Variants in ULK2 observed in about 807,000 individuals in gnomAD.
The protein encoded by ULK2 is unc-51 like autophagy activating kinase 2.
Under a neutral mutation model 127.5 loss-of-function variants are expected in ULK2, and 76 were observed. The observed-to-expected ratio is 0.60, with a 90% CI of 0.50 to 0.72. The LOEUF is 0.72. Ranked by LOEUF, ULK2 falls within the 30% of genes least tolerant of loss-of-function variation. The pLI is 0.00. For missense variants in ULK2, 1,144 were observed against 1,295.9 expected (o/e 0.88, Z 1.80); for synonymous variants, 452 against 461.9 (o/e 0.98, Z 0.28).
chr17:19,800,908 C>G (rs965947407), intron 16 of ULK2, among the ~76,000 whole-genome samples: 1 of 152,110 alleles, frequency 6.6e-6, no homozygotes, highest in Non-Finnish European at 1.5e-5. Context: ...ATTTCTGTCC[C>G]TTGGTTTCAC....
intron 10 of ULK2, 137 bp from the exon 11 acceptor site, chr17:19,826,323 A>C: frequency 2.5e-6 from 1 of 407,146 alleles, no homozygotes; most frequent in South Asian, 4.9e-5. Context: ...CATTTCCTTT[A>C]AATGTAAAAG....
At chr17:19,851,734 G>C (rs553610936) in intron 3 of ULK2, among the ~76,000 whole-genome samples, 36 of 151,994 alleles carry the variant, frequency 2.4e-4, no homozygotes, top group African/African-American at 8.2e-4. Context: ...TATAAGAAGA[G>C]GGCATCTCGG....
intron 10 of ULK2, among the ~76,000 whole-genome samples, chr17:19,836,606 G>A (rs1209939671): frequency 4.7e-5 from 7 of 148,734 alleles, no homozygotes; most frequent in African/African-American, 5.0e-5. Flanking sequence ...ACTTCGTCTC[G>A]AAAAAACAAA....
At chr17:19,849,973 A>G (rs2041976760) in intron 3 of ULK2, among the ~76,000 whole-genome samples, 199 bp from the exon 4 acceptor site, 1 of 152,338 alleles carries the variant, frequency 6.6e-6, no homozygotes, top group African/African-American at 2.4e-5. Flanking sequence ...AGTTTTGGTA[A>G]CACTAATGTA....
At chr17:19,786,465 G>T (rs1002666332) in intron 20 of ULK2, among the ~76,000 whole-genome samples, 6 of 152,182 alleles carry the variant, frequency 3.9e-5, no homozygotes, top group African/African-American at 1.4e-4. Flanking sequence ...TGTAATCCCA[G>T]CACTTTGGGA....
In ULK2 at chr17:19,813,023, T is replaced by A. The variant is rs1027599588; in HGVS notation, c.1097-2585A>T. Reference sequence around the variant, plus strand: ...AAGGGTACTACACTGATAAAAAGATTAGTGGAAAAGAGTTATTAAACGAAA... The same window carrying A: ...AAGGGTACTACACTGATAAAAAGATAAGTGGAAAAGAGTTATTAAACGAAA... On this transcript the variant is annotated intron_variant, in intron 13 of 26. Coordinates refer to ENST00000395544, the MANE Select transcript of ULK2 (RefSeq NM_014683.4). Among the ~76,000 whole-genome samples, 5 of 152,296 alleles carry A rather than the reference T, an allele frequency of 3.3e-5. No individual in the cohort carries two copies. The East Asian group carries it at 9.6e-4, about 29-fold the overall frequency.
chr17:19,849,696 A>G, intron 4 of ULK2, 46 bp downstream of exon 4: 1 of 1,357,328 alleles, frequency 7.4e-7, no homozygotes, highest in Admixed American at 2.7e-5. Context: ...AAAAAAAAAA[A>G]AAAGAAATTT....
Position 19,849,369 on chromosome 17 carries a change from C to T in ULK2, c.295G>A (p.Ala99Thr). The change falls in exon 5 of 27, where the codon GCG (alanine) becomes ACG (threonine). Residue 99 changes from alanine (A) to threonine (T), a missense_variant and splice_region_variant. By Grantham distance (58) the Ala-to-Thr change is moderately conservative. Coordinates refer to ENST00000395544, the MANE Select transcript of ULK2 (RefSeq NM_014683.4). ...NGGDLADYLQ[A>T]KGTLSEDTIR... ...AACACTGACACACATACACAGTTACCTTGCAAATAATCTGCGAGGTCTCCA... is the reference window on the plus strand; with the variant it reads ...AACACTGACACACATACACAGTTACTTTGCAAATAATCTGCGAGGTCTCCA... 6.2e-7 allele frequency: 1 copy of T among 1,608,594 alleles called. No individual in the cohort carries two copies. The highest frequency in any genetic ancestry group is 8.5e-7 in the Non-Finnish European group (1 of 1,176,868).
At chr17:19,842,304 TCTC>T (rs1377865108) in intron 8 of ULK2, among the ~76,000 whole-genome samples, 1 of 151,438 alleles carries the variant, frequency 6.6e-6, no homozygotes, top group Non-Finnish European at 1.5e-5. Context: ...TTCAAGCGAT[TCTC>T]CTGCCTCAGC....
chr17:19,820,431 C>CT (rs2041111074), intron 12 of ULK2, among the ~76,000 whole-genome samples: 1 of 152,160 alleles, frequency 6.6e-6, no homozygotes, highest in African/African-American at 2.4e-5. Context: ...ACCTCTCTAG[C>CT]TTTCTTTTCC....
Position 19,795,730 on chromosome 17 carries a change from A to T in ULK2, c.1998-5T>A, listed in dbSNP as rs1474072092. The T allele has an allele frequency of 6.2e-7, 1 of 1,611,314 alleles. No individual in the cohort carries two copies. Among genetic ancestry groups the T allele is most frequent in the Non-Finnish European group, 8.5e-7 (1 of 1,177,592 alleles). On this transcript the variant is annotated splice_region_variant and splice_polypyrimidine_tract_variant and intron_variant, in intron 19 of 26. Coordinates refer to ENST00000395544, the MANE Select transcript of ULK2 (RefSeq NM_014683.4). ...AACTTCCCGGTACTGACAGATCTAAAAAGAATAGTGATGTTTTTAATAAAG... is the reference window on the plus strand; with the variant it reads ...AACTTCCCGGTACTGACAGATCTAATAAGAATAGTGATGTTTTTAATAAAG...
chr17:19,776,510 C>T, intron 26 of ULK2, 103 bp from the exon 27 acceptor site: 1 of 1,055,274 alleles, frequency 9.5e-7, no homozygotes, highest in East Asian at 2.9e-5. Flanking sequence ...AATATGTTTT[C>T]TTCTTTCTGC....
In ULK2 at chr17:19,773,372, G is replaced by A. The variant is rs1023425158; in HGVS notation, c.*2977C>T. 6.6e-6 allele frequency: 1 copy of A among 152,186 alleles called. No homozygotes were observed. Among genetic ancestry groups the A allele is most frequent in the African/African-American group, 2.4e-5 (1 of 41,430 alleles). 9.4% of individuals were successfully genotyped at this position (152,186 alleles called of 1,614,324 possible). A position where few individuals can be genotyped will look rare whatever the true frequency, so the allele number is the denominator to read the frequency against. ...AACTCAACTTATTACTGTGCAGACT[G>A]AGGCAATCCAGCCCTAAAAATCCTC... is the stretch of plus-strand genomic sequence containing the variant. On this transcript the variant is annotated 3_prime_UTR_variant, in exon 27 of 27. Transcript: ENST00000395544.
intron 3 of ULK2, among the ~76,000 whole-genome samples, chr17:19,852,179 C>T (rs901728175): frequency 6.7e-6 from 1 of 149,692 alleles, no homozygotes; most frequent in Non-Finnish European, 1.5e-5. Context: ...GAGCTGAGAT[C>T]GCGCCACTGC....
intron 21 of ULK2, among the ~76,000 whole-genome samples, chr17:19,784,513 C>CTTTT (rs563736244): frequency 8.9e-5 from 4 of 45,098 alleles, no homozygotes; most frequent in Admixed American, 4.1e-4. Flanking sequence ...GGACATGATA[C>CTTTT]TTTTTTTTTT....
intron 14 of ULK2, among the ~76,000 whole-genome samples, chr17:19,806,337 C>T (rs1052162941): frequency 9.9e-5 from 15 of 152,168 alleles, no homozygotes; most frequent in African/African-American, 3.6e-4. Context: ...TTTAAATACA[C>T]ATTATCAAGC....
At position 19,773,480 on chromosome 17, in the gene ULK2, G is replaced by C. The variant is rs1246052701; in HGVS notation, c.*2869C>G. ...CCTCTTGGTGGAGACAAAGGAACAT[G>C]GGACTACGGGCAATAAGTTACTTAT... On this transcript the variant is annotated 3_prime_UTR_variant, in exon 27 of 27. Transcript: ENST00000395544. 6.6e-6 allele frequency: 1 copy of C among 152,126 alleles called. No homozygotes were observed. The highest frequency in any genetic ancestry group is 1.9e-4 in the East Asian group (1 of 5,186). The allele number at this position is 152,126 out of a possible 1,614,324, so 9.4% of individuals were successfully genotyped here.
chr17:19,862,645 T>C (rs999354576), intron 3 of ULK2, among the ~76,000 whole-genome samples: 1 of 151,950 alleles, frequency 6.6e-6, no homozygotes, highest in African/African-American at 2.4e-5. Context: ...TTTGTATTTT[T>C]AGTAGAAATG....
At chr17:19,850,555 G>A (rs377337570) in intron 3 of ULK2, among the ~76,000 whole-genome samples, 34 of 152,132 alleles carry the variant, frequency 2.2e-4, no homozygotes, top group Admixed American at 7.9e-4. Flanking sequence ...GGCCAGGCGC[G>A]GTGGCTCACG....
Sources: allele counts gnomAD v4.1 joint callset (sites outside exome capture counted in the v4.1 genomes callset), GRCh38; gene constraint gnomAD v4.1.1; transcripts MANE v1.5; gene names NCBI Gene and HGNC (gene_info 2026-07-23, HGNC 2026-07-21).